The following KRT71 variants were observed in gnomAD, a reference collection of about 807,000 sequenced individuals.
KRT71 encodes the protein keratin 71.
A neutral mutation model predicts 46.2 loss-of-function variants in KRT71; 42 were observed. The observed-to-expected ratio is 0.91, with a 90% CI of 0.71 to 1.18. KRT71 has a LOEUF of 1.18. Among genes scored for constraint, KRT71 ranks in the 50% most tolerant of loss-of-function variants. The probability of loss-of-function intolerance (pLI) is 0.00; values close to 1 mark genes in which losing one functional copy is unlikely to be tolerated. For missense variants in KRT71, 708 were observed against 677.9 expected, an observed-to-expected ratio of 1.04 and a Z score of -0.49; for synonymous variants, 292 against 277.8, an observed-to-expected ratio of 1.05 and a Z score of -0.51.
At position 52,552,886 on chromosome 12, in the gene KRT71, C is replaced by T; in HGVS notation, c.192G>A (p.Gly64=). ...VRSLNVASGS[G]KSGGYGFGRG... ...GGCCAAATCCATAGCCTCCACTCTTCCCGCTGCCACTGGCCACATTGAGGC... is the reference window on the plus strand; with the variant it reads ...GGCCAAATCCATAGCCTCCACTCTTTCCGCTGCCACTGGCCACATTGAGGC... The change falls in exon 1 of 9, where the codon GGG becomes GGA. Residue 64 remains glycine (G), a synonymous_variant. Transcript: ENST00000267119. 1 of 1,614,198 alleles carries T rather than the reference C, an allele frequency of 6.2e-7. No individual in the cohort carries two copies. Among genetic ancestry groups the T allele is most frequent in the East Asian group, 2.2e-5 (1 of 44,868 alleles).
rs781605547 is a variant in KRT71 at position 52,546,519 on chromosome 12, T to C, written c.1105-13A>G. On this transcript the variant is annotated splice_polypyrimidine_tract_variant and intron_variant, in intron 6 of 8. Transcript: ENST00000267119. ...CCAGGTTGGAAGCCTAAGGAAGGAATTGGTGAAGTCGAAAAATTTGGAGGA... is the reference window on the plus strand; with the variant it reads ...CCAGGTTGGAAGCCTAAGGAAGGAACTGGTGAAGTCGAAAAATTTGGAGGA... 6.2e-7 allele frequency: 1 copy of C among 1,611,506 alleles called. No homozygotes were observed. The highest frequency in any genetic ancestry group is 1.7e-5 in the Admixed American group (1 of 59,882).
At position 52,544,725 on chromosome 12, in the gene KRT71, C is replaced by G; in HGVS notation, c.1379G>C (p.Ser460Thr). The change falls in exon 9 of 9, where the codon AGT (serine) becomes ACT (threonine). Residue 460 changes from serine (S) to threonine (T), a missense_variant. Physicochemically the swap from Ser to Thr is moderately conservative, Grantham distance 58 (BLOSUM62 1). Transcript: ENST00000267119. ...CCGGAAGCCATAGACACTGCCGCCA[C>G]TGGTGCTGCTGATGATGGCTGCAGG... is the stretch of plus-strand genomic sequence containing the variant. ...PVSISIISST[S>T]GGSVYGFRPS... 6.2e-7 allele frequency: 1 copy of G among 1,612,150 alleles called. No individual in the cohort carries two copies. The highest frequency in any genetic ancestry group is 8.5e-7 in the Non-Finnish European group (1 of 1,179,664).
chr12:52,549,831 C>A (rs1004761400), intron 2 of KRT71, among the ~76,000 whole-genome samples, 198 bp downstream of exon 2: 1 of 152,172 alleles, frequency 6.6e-6, no homozygotes, highest in Non-Finnish European at 1.5e-5. Flanking sequence ...GCTCACTGGG[C>A]ATTTGTCCTA....
At position 52,546,270 on chromosome 12, in the gene KRT71, G is replaced by C; in HGVS notation, c.1325+16C>G. On this transcript the variant is annotated intron_variant, in intron 7 of 8. Transcript: ENST00000267119. ...CAAACCCCTGGGGCCCTCCTGTCTG[G>C]GCACGCCCCGCCCACCTGCACTCCT... is the stretch of plus-strand genomic sequence containing the variant. The C allele has an allele frequency of 6.2e-7, 1 of 1,613,456 alleles. No individual in the cohort carries two copies. The highest frequency in any genetic ancestry group is 1.7e-5 in the Admixed American group (1 of 59,988).
Position 52,544,645 on chromosome 12 carries a change from C to G in KRT71, c.1459G>C (p.Val487Leu), listed in dbSNP as rs1939027082. ...VANSSNCISG[V>L]CSVRGGEGRS... Reference sequence around the variant, plus strand: ...CCCTCCCCGCCTCTCACGCTGCACACTCCAGAGATGCAGTTGCTGCTGTTG... The same window carrying G: ...CCCTCCCCGCCTCTCACGCTGCACAGTCCAGAGATGCAGTTGCTGCTGTTG... The change falls in exon 9 of 9, where the codon GTG becomes CTG. Residue 487 changes from valine (V) to leucine (L), a missense_variant. Coordinates refer to ENST00000267119, the MANE Select transcript of KRT71 (RefSeq NM_033448.3). 6.2e-7 allele frequency: 1 copy of G among 1,614,108 alleles called. No individual in the cohort carries two copies.
rs1236033380 is a variant in KRT71 at position 52,552,825 on chromosome 12, CA to C, written c.252del (p.Phe84LeufsTer54). The C allele has an allele frequency of 6.2e-7, 1 of 1,614,254 alleles. No individual in the cohort carries two copies. Among genetic ancestry groups the C allele is most frequent in the Non-Finnish European group, 8.5e-7 (1 of 1,180,048 alleles). On this transcript the variant is annotated frameshift_variant, in exon 1 of 9. Coordinates refer to ENST00000267119, the MANE Select transcript of KRT71 (RefSeq NM_033448.3). LOFTEE classifies it high-confidence loss of function. ...GRASGFAGSMFGSVALGPVCP... is the reference protein window; with the variant it reads ...GRASGFAGSMXGSVALGPVCP... The stretch of plus-strand genomic sequence containing the variant: ...CACACAGGCCCCAGGGCCACACTGC[CA>C]AACATGCTTCCAGCAAAGCCACTGG...
At chr12:52,549,255 G>A (rs775946447) in intron 3 of KRT71, 38 bp downstream of exon 3, 4 of 1,557,620 alleles carry the variant, frequency 2.6e-6, no homozygotes, top group South Asian at 2.2e-5. Context: ...CCAGGTCCCA[G>A]GCCAGCCCCC....
At position 52,544,726 on chromosome 12, in the gene KRT71, T is replaced by C. The variant is rs780306065; in HGVS notation, c.1378A>G (p.Ser460Gly). ...PVSISIISST[S>G]GGSVYGFRPS... Reference sequence around the variant, plus strand: ...CGGAAGCCATAGACACTGCCGCCACTGGTGCTGCTGATGATGGCTGCAGGA... The same window carrying C: ...CGGAAGCCATAGACACTGCCGCCACCGGTGCTGCTGATGATGGCTGCAGGA... The change falls in exon 9 of 9, where the codon AGT becomes GGT. Residue 460 changes from serine to glycine, a missense_variant. Physicochemically the swap from Ser to Gly is moderately conservative, Grantham distance 56 (BLOSUM62 0). Transcript: ENST00000267119. The C allele has an allele frequency of 6.2e-7, 1 of 1,612,162 alleles. No individual in the cohort carries two copies. The highest frequency in any genetic ancestry group is 1.1e-5 in the South Asian group (1 of 91,032).
chr12:52,548,616 G>A, intron 4 of KRT71, 85 bp downstream of exon 4: 1 of 1,208,546 alleles, frequency 8.3e-7, no homozygotes, highest in Non-Finnish European at 1.2e-6. Flanking sequence ...CTGAGGGCTG[G>A]GGCCTCCATG....
intron 4 of KRT71, among the ~76,000 whole-genome samples, 175 bp from the exon 5 acceptor site, chr12:52,548,491 G>T (rs1418921419): frequency 6.6e-6 from 1 of 152,230 alleles, no homozygotes; most frequent in Non-Finnish European, 1.5e-5. Flanking sequence ...GGCCCAGAGA[G>T]ATTCCCACTG....
At chr12:52,552,568 CA>C in intron 1 of KRT71, 68 bp downstream of exon 1, 1 of 1,483,574 alleles carries the variant, frequency 6.7e-7, no homozygotes, top group Non-Finnish European at 9.1e-7. Context: ...CCTGCTGTAA[CA>C]AAATCGTATG....
chr12:52,549,239 G>T (rs1467706758), intron 3 of KRT71, 54 bp downstream of exon 3: 1 of 1,392,986 alleles, frequency 7.2e-7, no homozygotes, highest in Non-Finnish European at 1.0e-6. Flanking sequence ...GGCAGGCTCT[G>T]TTCCTCCAGG....
At position 52,547,875 on chromosome 12, in the gene KRT71, G is replaced by C; in HGVS notation, c.1086C>G (p.Ile362Met). The C allele has an allele frequency of 3.1e-6, 5 of 1,614,072 alleles. No individual in the cohort carries two copies. The highest frequency in any genetic ancestry group is 4.2e-6 in the Non-Finnish European group (5 of 1,180,004). ...TRLIQRIRSE[I>M]ENVKKQASNL... The stretch of plus-strand genomic sequence containing the variant: ...CTCTCACCTGCTTCTTCACGTTCTC[G>C]ATCTCTGAGCGGATTCTCTGGATGA... Residue 362 changes from isoleucine (I) to methionine (M), a missense_variant, in exon 6 of 9, where the codon ATC becomes ATG. Coordinates refer to ENST00000267119, the MANE Select transcript of KRT71 (RefSeq NM_033448.3).
chr12:52,547,929 G>C lies in KRT71; in HGVS notation c.1032C>G (p.Thr344=). 1 of 1,614,160 alleles carries C rather than the reference G, an allele frequency of 6.2e-7. No homozygotes were observed. The highest frequency in any genetic ancestry group is 8.5e-7 in the Non-Finnish European group (1 of 1,180,038). Residue 344 remains threonine (T), a synonymous_variant, in exon 6 of 9, where the codon ACC becomes ACG. Transcript: ENST00000267119. Reference sequence around the variant, plus strand: ...GAGTGAGCTCCGAGATTTCATTCTTGGTGTTTTTGAGGTCGTCCCCATGCC... The same window carrying C: ...GAGTGAGCTCCGAGATTTCATTCTTCGTGTTTTTGAGGTCGTCCCCATGCC... ...AGRHGDDLKN[T]KNEISELTRL...
At chr12:52,550,602 A>T (rs1301863285) in intron 1 of KRT71, among the ~76,000 whole-genome samples, 1 of 152,240 alleles carries the variant, frequency 6.6e-6, no homozygotes, top group Non-Finnish European at 1.5e-5. Flanking sequence ...CAGGTTGACC[A>T]TCCTGAAGAA....
Position 52,548,681 on chromosome 12 carries a change from A to C in KRT71, c.813+20T>G. On this transcript the variant is annotated intron_variant, in intron 4 of 8. Transcript: ENST00000267119. ...CCCACCAGCCTCCCCTAGATGAACCAAGTGGGCAGACAGACTTACGGCTTC... is the reference window on the plus strand; with the variant it reads ...CCCACCAGCCTCCCCTAGATGAACCCAGTGGGCAGACAGACTTACGGCTTC... 6.2e-7 allele frequency: 1 copy of C among 1,607,554 alleles called. No individual in the cohort carries two copies. Among genetic ancestry groups the C allele is most frequent in the Non-Finnish European group, 8.5e-7 (1 of 1,174,002 alleles).
intron 2 of KRT71, 133 bp from the exon 3 acceptor site, chr12:52,549,486 G>A (rs1939124029): frequency 2.7e-6 from 2 of 730,978 alleles, no homozygotes; most frequent in South Asian, 1.6e-5. Flanking sequence ...CTGGGCAGGG[G>A]TAAGTGGGGG....
At chr12:52,547,040 T>C (rs1017002554) in intron 6 of KRT71, among the ~76,000 whole-genome samples, 3 of 152,164 alleles carry the variant, frequency 2.0e-5, no homozygotes, top group Non-Finnish European at 4.4e-5. Flanking sequence ...CAACACCCTG[T>C]GAAGTGAGCA....
intron 8 of KRT71, 110 bp from the exon 9 acceptor site, chr12:52,544,853 AC>A: frequency 3.6e-6 from 3 of 832,678 alleles, no homozygotes; most frequent in African/African-American, 1.7e-5. Context: ...GGAGGTGCAC[AC>A]CCGCTCCCTC....
Sources: allele counts gnomAD v4.1 joint callset (sites outside exome capture counted in the v4.1 genomes callset), GRCh38; gene constraint gnomAD v4.1.1; transcripts MANE v1.5; gene names NCBI Gene and HGNC (gene_info 2026-07-23, HGNC 2026-07-21).